Variants in PUM3 observed in about 807,000 individuals in gnomAD.
PUM3 encodes pumilio homolog 3.
PUM3 carries 91 observed loss-of-function variants against 84.0 expected under a neutral mutation model. The ratio of observed to expected loss-of-function variants is 1.08; its 90% CI spans 0.91 to 1.29. The LOEUF (loss-of-function observed/expected upper bound fraction) is 1.29. PUM3 is among the 50% of genes most tolerant of loss of function. The pLI, the probability that PUM3 is intolerant of heterozygous loss-of-function variation, is 0.00. For synonymous variants in PUM3, 321 were observed against 266.7 expected, an observed-to-expected ratio of 1.20 and a Z score of -1.98; for missense variants, 1,067 against 767.5, an observed-to-expected ratio of 1.39 and a Z score of -4.61.
chr9:2,837,112 C>T (rs548084360), intron 3 of PUM3, 68 bp downstream of exon 3: 52 of 1,325,084 alleles, frequency 3.9e-5, no homozygotes, highest in African/African-American at 3.2e-4. Flanking sequence ...AGGTTTCTAA[C>T]GCACCTCCAG....
At chr9:2,832,006 C>A (rs913120450) in intron 5 of PUM3, among the ~76,000 whole-genome samples, 1 of 152,152 alleles carries the variant, frequency 6.6e-6, no homozygotes, top group Non-Finnish European at 1.5e-5. Context: ...CTAGAGCGCC[C>A]TCCACGAATC....
At position 2,823,780 on chromosome 9, in the gene PUM3, C is replaced by T. The variant is rs769361893; in HGVS notation, c.1188+1G>A. The stretch of plus-strand genomic sequence containing the variant: ...AGAATATGTAGTTTTATTATACTTA[C>T]ATTAGCCACCTTTTCAACATAAGTC... On this transcript the variant is annotated splice_donor_variant, in intron 12 of 17. Coordinates refer to ENST00000397885, the MANE Select transcript of PUM3 (RefSeq NM_014878.5). LOFTEE classifies it high-confidence loss of function. 1.1e-5 allele frequency: 15 copies of T among 1,401,380 alleles called. No individual in the cohort carries two copies. Among genetic ancestry groups the T allele is most frequent in the South Asian group, 3.9e-5 (3 of 77,172 alleles). 86.8% of individuals were successfully genotyped at this position (1,401,380 alleles called of 1,614,324 possible).
At chr9:2,810,271 T>C in intron 16 of PUM3, 73 bp downstream of exon 16, 2 of 990,618 alleles carry the variant, frequency 2.0e-6, no homozygotes, top group South Asian at 1.3e-5. Flanking sequence ...ATGGCTGGTA[T>C]AAAGTTCAGG....
intron 2 of PUM3, 133 bp downstream of exon 2, chr9:2,838,293 T>G: frequency 1.5e-6 from 1 of 680,212 alleles, no homozygotes; most frequent in South Asian, 1.8e-5. Flanking sequence ...TGTTAACTCA[T>G]ACACAATAAC....
Position 2,804,740 on chromosome 9 carries a change from C to T in PUM3, c.1815-277G>A, listed in dbSNP as rs59131759. On this transcript the variant is annotated intron_variant, in intron 17 of 17. Coordinates refer to ENST00000397885, the MANE Select transcript of PUM3 (RefSeq NM_014878.5). ...AGAGTTGGTTCTACCTTCACATTAT[C>T]TTAGGACTTACTTACATCCTGTCTT... Among the ~76,000 whole-genome samples, 610 of 152,314 alleles carry T rather than the reference C, an allele frequency of 4.0e-3. 1 individual carries two copies. Among genetic ancestry groups the T allele is most frequent in the African/African-American group, 0.014 (586 of 41,558 alleles).
intron 5 of PUM3, 81 bp downstream of exon 5, chr9:2,833,276 C>G: frequency 1.6e-6 from 1 of 633,664 alleles, no homozygotes; most frequent in South Asian, 2.4e-5. Flanking sequence ...ATAAGATCAT[C>G]TGTCATGAAT....
intron 10 of PUM3, among the ~76,000 whole-genome samples, chr9:2,825,205 C>A (rs1053531293): frequency 1.3e-5 from 2 of 151,984 alleles, no homozygotes; most frequent in Non-Finnish European, 2.9e-5. Context: ...ATGCTCTTCC[C>A]CAAAAGAGAC....
chr9:2,842,989 A>C (rs1382959193), intron 1 of PUM3, among the ~76,000 whole-genome samples: 1 of 152,154 alleles, frequency 6.6e-6, no homozygotes, highest in Non-Finnish European at 1.5e-5. Flanking sequence ...TAGTTCTCTT[A>C]AATGTCCCTT....
rs372574840 is a variant in PUM3 at position 2,838,585 on chromosome 9, T to C, written c.-10-68A>G. 1.7e-5 allele frequency: 16 copies of C among 928,094 alleles called. No individual in the cohort carries two copies. In the Admixed American group the frequency reaches 2.2e-4, roughly 13 times the overall value. 57.5% of individuals were successfully genotyped at this position (928,094 alleles called of 1,614,324 possible). On this transcript the variant is annotated intron_variant, in intron 1 of 17. Transcript: ENST00000397885. ...TCTTCATCAAATAAGAGCTGTTTCA[T>C]AGTCATTGCCACATTTAGTCCTTCA...
In PUM3 at chr9:2,820,021, T is replaced by C; in HGVS notation, c.1266A>G (p.Ile422Met). The C allele has an allele frequency of 1.2e-6, 2 of 1,600,792 alleles. No individual in the cohort carries two copies. The highest frequency in any genetic ancestry group is 1.7e-6 in the Non-Finnish European group (2 of 1,168,554). The change falls in exon 13 of 18, where the codon ATA becomes ATG. Residue 422 changes from isoleucine (I) to methionine (M), a missense_variant. Physicochemically the swap from Ile to Met is conservative, Grantham distance 10. Transcript: ENST00000397885. ...DDTKLVKQII[I>M]SEIISSLPSI... Reference sequence around the variant, plus strand: ...CAAGACCATCAGGATTACTTACTGATATGATTATCTGCTTCACAAGCTTAG... The same window carrying C: ...CAAGACCATCAGGATTACTTACTGACATGATTATCTGCTTCACAAGCTTAG...
intron 1 of PUM3, among the ~76,000 whole-genome samples, chr9:2,840,186 G>C (rs1305133512): frequency 1.3e-5 from 2 of 152,180 alleles, no homozygotes; most frequent in African/African-American, 2.4e-5. Flanking sequence ...ACTTATTACT[G>C]TTTATGTTAA....
At chr9:2,825,492 T>C (rs1448499933) in intron 10 of PUM3, among the ~76,000 whole-genome samples, 1 of 152,118 alleles carries the variant, frequency 6.6e-6, no homozygotes, top group Non-Finnish European at 1.5e-5. Context: ...ACATTTTCTT[T>C]TTTTTTTGGA....
chr9:2,838,563 T>A, intron 1 of PUM3, 46 bp from the exon 2 acceptor site: 1 of 1,168,286 alleles, frequency 8.6e-7, no homozygotes, highest in Non-Finnish European at 1.3e-6. Flanking sequence ...GCAGTTCTCT[T>A]CATCAAATAA....
intron 13 of PUM3, 54 bp downstream of exon 13, chr9:2,819,961 ACAT>A (rs1383194234): frequency 2.6e-6 from 3 of 1,132,140 alleles, no homozygotes; most frequent in Non-Finnish European, 4.0e-6. Context: ...TCAAGCTTAC[ACAT>A]CCACAACTGG....
intron 13 of PUM3, among the ~76,000 whole-genome samples, chr9:2,815,791 T>C (rs1396380364): frequency 6.6e-6 from 1 of 152,258 alleles, no homozygotes; most frequent in African/African-American, 2.4e-5. Flanking sequence ...CAAAAGGTTT[T>C]GGCTTGGCTT....
intron 12 of PUM3, among the ~76,000 whole-genome samples, chr9:2,822,801 A>G (rs1165297312): frequency 1.3e-5 from 2 of 149,606 alleles, no homozygotes; most frequent in African/African-American, 4.9e-5. Context: ...AATATATATG[A>G]ATATTGAATT....
intron 12 of PUM3, among the ~76,000 whole-genome samples, chr9:2,820,621 C>A (rs1476537986): frequency 6.6e-6 from 1 of 151,990 alleles, no homozygotes; most frequent in Non-Finnish European, 1.5e-5. Flanking sequence ...CTGGGTTATA[C>A]AAATGATTTT....
At chr9:2,808,086 A>C in intron 16 of PUM3, 182 bp from the exon 17 acceptor site, 1 of 543,566 alleles carries the variant, frequency 1.8e-6, no homozygotes, top group Non-Finnish European at 3.3e-6. Context: ...GCATTTCTAA[A>C]AGAGCCATTT....
At position 2,838,508 on chromosome 9, in the gene PUM3, C is replaced by T. The variant is rs559671705; in HGVS notation, c.-1G>A. On this transcript the variant is annotated 5_prime_UTR_variant, in exon 2 of 18. Coordinates refer to ENST00000397885, the MANE Select transcript of PUM3 (RefSeq NM_014878.5). ...ATTGCTTTTTCCCTTTAACTTCCATCGTAGCAACTCTGGAAAACCAAAACC... is the reference window on the plus strand; with the variant it reads ...ATTGCTTTTTCCCTTTAACTTCCATTGTAGCAACTCTGGAAAACCAAAACC... 20 of 1,611,970 alleles carry T rather than the reference C, an allele frequency of 1.2e-5. No individual in the cohort carries two copies. The highest frequency in any genetic ancestry group is 4.5e-5 in the East Asian group (2 of 44,836).
Sources: gnomAD v4.1 joint callset for allele counts (sites outside exome capture counted in the v4.1 genomes callset) on GRCh38, gnomAD v4.1.1 for gene constraint, MANE v1.5 for transcripts, NCBI Gene and HGNC (gene_info 2026-07-23, HGNC 2026-07-21) for gene names.